RBFOX1: variants seen among roughly 807,000 people sequenced by gnomAD.
RBFOX1 encodes the protein RNA binding fox-1 homolog 1.
A neutral mutation model predicts 57.7 loss-of-function variants in RBFOX1; 8 were observed. The ratio of observed to expected loss-of-function variants is 0.14; its 90% CI spans 0.08 to 0.25. The LOEUF (loss-of-function observed/expected upper bound fraction) is 0.25. RBFOX1 is among the 10% of genes least tolerant of loss of function. The pLI, the probability that RBFOX1 is intolerant of heterozygous loss-of-function variation, is 1.00. For synonymous variants in RBFOX1, 326 were observed against 222.4 expected, an observed-to-expected ratio of 1.47 and a Z score of -4.15; for missense variants, 611 against 548.5, an observed-to-expected ratio of 1.11 and a Z score of -1.14.
intron 1 of RBFOX1, chr16:6,092,674 A>G (rs1222651874): frequency 2.6e-5 from 4 of 151,992 alleles, no homozygotes; most frequent in African/African-American, 7.3e-5. Context: ...ATTTTTGTCA[A>G]CTTTGTCGAA....
chr16:7,021,461 A>T (rs1170019759), intron 3 of RBFOX1, among the ~76,000 whole-genome samples: 1 of 145,442 alleles, frequency 6.9e-6, no homozygotes, highest in African/African-American at 2.5e-5. Flanking sequence ...ATTAATTTTT[A>T]ATATAATTTA....
chr16:5,348,194 C>A (rs530849862), intron 1 of RBFOX1, among the ~76,000 whole-genome samples: 2 of 151,756 alleles, frequency 1.3e-5, no homozygotes, highest in South Asian at 4.2e-4. Context: ...ATCTACTCTT[C>A]CACCCGCCCA....
At chr16:7,216,687 C>T (rs915757146) in intron 4 of RBFOX1, among the ~76,000 whole-genome samples, 1 of 151,970 alleles carries the variant, frequency 6.6e-6, no homozygotes, top group Non-Finnish European at 1.5e-5. Context: ...AACCCACAAA[C>T]AAACCGAGAC....
At chr16:6,209,735 A>G (rs756470392) in intron 1 of RBFOX1, among the ~76,000 whole-genome samples, 15 of 152,194 alleles carry the variant, frequency 9.9e-5, no homozygotes, top group Non-Finnish European at 1.9e-4. Flanking sequence ...GGATGATTGA[A>G]TTATTCCTTG....
At chr16:7,647,108 C>G (rs986683584) in intron 11 of RBFOX1, among the ~76,000 whole-genome samples, 1 of 152,164 alleles carries the variant, frequency 6.6e-6, no homozygotes, top group African/African-American at 2.4e-5. Context: ...CCTAAAGCTT[C>G]CATTTCATCG....
chr16:6,507,527 C>G (rs560591967), intron 2 of RBFOX1, among the ~76,000 whole-genome samples: 2 of 67,602 alleles, frequency 3.0e-5, no homozygotes, highest in East Asian at 5.8e-4. Flanking sequence ...AAAAAAAAAG[C>G]CTGGCATAGT....
intron 4 of RBFOX1, among the ~76,000 whole-genome samples, chr16:7,341,777 TC>T (rs757248464): frequency 0.3 from 5,171 of 17,096 alleles, 151 homozygotes; most frequent in South Asian, 0.43. Flanking sequence ...CCTCCCTCCC[TC>T]CTTCCTTCCT....
intron 3 of RBFOX1, among the ~76,000 whole-genome samples, chr16:5,626,262 G>C (rs1288617346): frequency 6.6e-6 from 1 of 152,198 alleles, no homozygotes. Flanking sequence ...AGAGATCAAG[G>C]TGTTGGCAGG....
intron 3 of RBFOX1, among the ~76,000 whole-genome samples, chr16:5,726,268 C>T (rs12597244): frequency 0.12 from 17,979 of 151,900 alleles, 2,996 homozygotes; most frequent in African/African-American, 0.37. Flanking sequence ...ACCGTTGTCT[C>T]CCTTTCTGGG....
intron 1 of RBFOX1, among the ~76,000 whole-genome samples, chr16:6,138,211 C>G (rs577012608): frequency 2.3e-4 from 35 of 152,286 alleles, no homozygotes; most frequent in African/African-American, 7.5e-4. Context: ...GGGCCCCTGC[C>G]CAGCCACACC....
intron 1 of RBFOX1, among the ~76,000 whole-genome samples, chr16:6,024,735 C>T (rs1477210823): frequency 2.0e-5 from 3 of 152,200 alleles, no homozygotes; most frequent in Admixed American, 6.5e-5. Context: ...CCCGCCTCCT[C>T]GGCCTCTCAA....
rs372184091 is a variant in RBFOX1 at position 7,437,831 on chromosome 16, A to C, written c.28-80316A>C. ...GATGTGCTGGTCGGCCCCTTCTGCA[A>C]CTTGACAGGAGGCAGTCCATTGGAA... On this transcript the variant is annotated intron_variant, in intron 4 of 15. Transcript: ENST00000550418. Among the ~76,000 whole-genome samples the C allele has an allele frequency of 4.6e-5, 7 of 152,100 alleles. No individual in the cohort carries two copies. The South Asian group carries it at 8.3e-4, about 18-fold the overall frequency.
chr16:6,904,345 A>T (rs766498390), intron 3 of RBFOX1, among the ~76,000 whole-genome samples: 19 of 152,008 alleles, frequency 1.2e-4, no homozygotes, highest in Non-Finnish European at 2.1e-4. Context: ...TCATGCCTGT[A>T]ATCCCAGCAC....
At chr16:7,318,207 G>C (rs2096481210) in intron 4 of RBFOX1, among the ~76,000 whole-genome samples, 1 of 152,034 alleles carries the variant, frequency 6.6e-6, no homozygotes, top group Non-Finnish European at 1.5e-5. Context: ...GTTGATAGTG[G>C]TGTTGGTGGT....
intron 10 of RBFOX1, among the ~76,000 whole-genome samples, chr16:7,616,455 G>A (rs1486624928): frequency 6.6e-6 from 1 of 152,216 alleles, no homozygotes; most frequent in Non-Finnish European, 1.5e-5. Flanking sequence ...TCAAACCTCA[G>A]CCCATGCTAT....
At chr16:7,044,858 C>G (rs1331410161) in intron 3 of RBFOX1, among the ~76,000 whole-genome samples, 1 of 152,138 alleles carries the variant, frequency 6.6e-6, no homozygotes, top group Non-Finnish European at 1.5e-5. Flanking sequence ...TCCACCTCCC[C>G]TCTCCCCACC....
intron 1 of RBFOX1, among the ~76,000 whole-genome samples, chr16:5,410,880 C>A (rs1040409884): frequency 6.6e-6 from 1 of 152,194 alleles, no homozygotes; most frequent in Admixed American, 6.5e-5. Context: ...CCTGGCTCAG[C>A]TGTAAGCTTG....
chr16:7,119,961 A>T (rs1312944059), intron 4 of RBFOX1, among the ~76,000 whole-genome samples: 1 of 152,110 alleles, frequency 6.6e-6, no homozygotes, highest in Non-Finnish European at 1.5e-5. Context: ...ATTATAAAAA[A>T]CTTAACAAAT....
rs368926692 is a variant in RBFOX1, at chr16:6,864,934, G to A, written c.-15-187123G>A. Among the ~76,000 whole-genome samples the A allele has an allele frequency of 4.8e-4, 72 of 150,630 alleles. 1 individual carries two copies. The South Asian group carries it at 0.015, about 31-fold the overall frequency. ...TTTGCTGATAAATCGAAAACACAAAGGTCAAAAATAAGCCCTGTTCCTCAA... is the reference window on the plus strand; with the variant it reads ...TTTGCTGATAAATCGAAAACACAAAAGTCAAAAATAAGCCCTGTTCCTCAA... On this transcript the variant is annotated intron_variant, in intron 3 of 15. Coordinates refer to ENST00000550418, the MANE Select transcript of RBFOX1 (RefSeq NM_018723.4).
Sources: gnomAD v4.1 joint callset for allele counts (sites outside exome capture counted in the v4.1 genomes callset) on GRCh38, gnomAD v4.1.1 for gene constraint, MANE v1.5 for transcripts, NCBI Gene and HGNC (gene_info 2026-07-23, HGNC 2026-07-21) for gene names.